The following RNF141 variants were observed in gnomAD, a reference collection of about 807,000 sequenced individuals.
RNF141 encodes the protein C3HC4-like zinc finger protein.
Under a neutral mutation model 27.4 loss-of-function variants are expected in RNF141, and 18 were observed. The observed-to-expected ratio is 0.66, with a 90% confidence interval of 0.45 to 0.97. The LOEUF is 0.97. Ranked by LOEUF, RNF141 falls within the 50% of genes least tolerant of loss-of-function variation. The pLI is 0.00. For missense variants in RNF141, 230 were observed against 279.4 expected, an observed-to-expected ratio of 0.82 and a Z score of 1.26; for synonymous variants, 97 against 96.6, an observed-to-expected ratio of 1.00 and a Z score of -0.02.
intron 2 of RNF141, among the ~76,000 whole-genome samples, chr11:10,532,568 T>C (rs1356534017): frequency 6.6e-6 from 1 of 151,920 alleles, no homozygotes; most frequent in Non-Finnish European, 1.5e-5. Context: ...TTTTGTTTTA[T>C]ATTGTTTTGT....
chr11:10,519,065 G>A lies in RNF141; in HGVS notation c.511C>T (p.His171Tyr), dbSNP rs1849865266. 1.2e-6 allele frequency: 2 copies of A among 1,613,952 alleles called. No homozygotes were observed. The highest frequency in any genetic ancestry group is 1.7e-6 in the Non-Finnish European group (2 of 1,179,890). ...TCAATACACTTCTGACAAAAGCTGT[G>A]AGCACAAGGCAGGATGAGGTCAGCC... ...GRADLILPCA[H>Y]SFCQKCIDKW... Residue 171 changes from histidine (H) to tyrosine (Y), a missense_variant, in exon 5 of 6, where the codon CAC becomes TAC. His to Tyr is a moderately conservative substitution (Grantham distance 83). Coordinates refer to ENST00000265981, the MANE Select transcript of RNF141 (RefSeq NM_016422.4).
At chr11:10,522,250 T>C (rs1327413973) in intron 4 of RNF141, among the ~76,000 whole-genome samples, 1 of 152,146 alleles carries the variant, frequency 6.6e-6, no homozygotes, top group East Asian at 1.9e-4. Flanking sequence ...TATAACTGAA[T>C]CTGTACAGAG....
At chr11:10,516,781 C>A (rs11042868) in intron 5 of RNF141, 37,882 of 152,044 alleles carry the variant, frequency 0.25, 5,510 homozygotes, top group Middle Eastern at 0.36. Flanking sequence ...AAGGGTCTTG[C>A]TATTAGTGGG....
chr11:10,514,828 T>A lies in RNF141; in HGVS notation c.*88A>T. On this transcript the variant is annotated 3_prime_UTR_variant, in exon 6 of 6. Coordinates refer to ENST00000265981, the MANE Select transcript of RNF141 (RefSeq NM_016422.4). ...AGAGTGGGGAAAATGGATTTTCCTGTGTCTGTGCCAGTGCCACAACCCTAC... is the reference window on the plus strand; with the variant it reads ...AGAGTGGGGAAAATGGATTTTCCTGAGTCTGTGCCAGTGCCACAACCCTAC... The A allele has an allele frequency of 2.4e-6, 3 of 1,232,522 alleles. No homozygotes were observed. Among genetic ancestry groups the A allele is most frequent in the South Asian group, 3.7e-5 (2 of 53,820 alleles). 76.3% of individuals were successfully genotyped at this position (1,232,522 alleles called of 1,614,324 possible).
At position 10,513,063 on chromosome 11, in the gene RNF141, CA is replaced by C. The variant is rs1235002153; in HGVS notation, c.*1852del. 6.6e-5 allele frequency: 10 copies of C among 152,168 alleles called. No individual in the cohort carries two copies. The highest frequency in any genetic ancestry group is 2.2e-4 in the African/African-American group (9 of 41,452). 9.4% of individuals were successfully genotyped at this position (152,168 alleles called of 1,614,324 possible). On this transcript the variant is annotated 3_prime_UTR_variant, in exon 6 of 6. Coordinates refer to ENST00000265981, the MANE Select transcript of RNF141 (RefSeq NM_016422.4). ...AGTTTCTAAAGTAAGAACACATAAA[CA>C]AGAGTAAGAGACTTTCTCAAGGTCA...
intron 1 of RNF141, among the ~76,000 whole-genome samples, chr11:10,537,084 A>G (rs1850044115): frequency 6.6e-6 from 1 of 152,254 alleles, no homozygotes; most frequent in Non-Finnish European, 1.5e-5. Context: ...AACAAGATTC[A>G]TTTACAGAGA....
chr11:10,522,772 T>G (rs565691866), intron 4 of RNF141, among the ~76,000 whole-genome samples: 1 of 152,186 alleles, frequency 6.6e-6, no homozygotes, highest in Non-Finnish European at 1.5e-5. Context: ...ATAGACAAAT[T>G]ATTATGTGTC....
At chr11:10,527,638 G>A (rs923204549) in intron 3 of RNF141, among the ~76,000 whole-genome samples, 8 of 89,936 alleles carry the variant, frequency 8.9e-5, no homozygotes, top group African/African-American at 1.3e-4. Flanking sequence ...AAGTGCATGA[G>A]AAGTCACGGG....
At chr11:10,527,029 T>C (rs889847730) in intron 3 of RNF141, among the ~76,000 whole-genome samples, 5 of 152,228 alleles carry the variant, frequency 3.3e-5, no homozygotes, top group African/African-American at 9.6e-5. Flanking sequence ...TGGAACTGCA[T>C]AGTACAGAAG....
chr11:10,533,518 A>G (rs1850007246), intron 2 of RNF141, among the ~76,000 whole-genome samples: 1 of 150,652 alleles, frequency 6.6e-6, no homozygotes, highest in Admixed American at 6.6e-5. Flanking sequence ...TCCTCTAGCA[A>G]AATGATGACA....
intron 1 of RNF141, among the ~76,000 whole-genome samples, chr11:10,539,887 G>C (rs1014080168): frequency 1.3e-5 from 2 of 151,282 alleles, no homozygotes; most frequent in Admixed American, 6.6e-5. Flanking sequence ...TTTGTATTTA[G>C]ATGGGAACCA....
In RNF141 at chr11:10,534,100, A is replaced by G. The variant is rs922687534; in HGVS notation, c.59T>C (p.Val20Ala). ...TCGAACCAACGTAACATGTTTTGCT[A>G]CTTTTTCTGGTAACTTGTTAATAAC... ...QLVINKLPEK[V>A]AKHVTLVRES... Residue 20 changes from valine (V) to alanine (A), a missense_variant, in exon 2 of 6, where the codon GTA (valine) becomes GCA (alanine). By Grantham distance (64) the Val-to-Ala change is moderately conservative. Coordinates refer to ENST00000265981, the MANE Select transcript of RNF141 (RefSeq NM_016422.4). The G allele has an allele frequency of 2.5e-6, 4 of 1,613,724 alleles. No individual in the cohort carries two copies. The Admixed American group carries it at 6.7e-5, about 27-fold the overall frequency.
At chr11:10,523,067 T>C (rs937164564) in intron 4 of RNF141, among the ~76,000 whole-genome samples, 1 of 152,238 alleles carries the variant, frequency 6.6e-6, no homozygotes, top group African/African-American at 2.4e-5. Flanking sequence ...GCTTGCTTTT[T>C]TCAGGCAGTG....
chr11:10,517,283 G>A (rs1054300350), intron 5 of RNF141: 2 of 151,986 alleles, frequency 1.3e-5, no homozygotes, highest in African/African-American at 4.8e-5. Flanking sequence ...GAAGAAAAAT[G>A]GTGAATATGA....
chr11:10,522,645 T>C (rs1047021741), intron 4 of RNF141, among the ~76,000 whole-genome samples: 1 of 152,226 alleles, frequency 6.6e-6, no homozygotes, highest in African/African-American at 2.4e-5. Flanking sequence ...GATGACTGTT[T>C]TCAAATATTT....
chr11:10,518,986 C>T (rs1335915013), intron 5 of RNF141, 48 bp downstream of exon 5: 10 of 1,409,038 alleles, frequency 7.1e-6, no homozygotes, highest in Non-Finnish European at 1.0e-5. Context: ...TTCATGTACA[C>T]TATCCCACTG....
At chr11:10,523,395 G>C (rs1454894181) in intron 4 of RNF141, among the ~76,000 whole-genome samples, 1 of 152,218 alleles carries the variant, frequency 6.6e-6, no homozygotes, top group Non-Finnish European at 1.5e-5. Context: ...TTCTTTGGCT[G>C]AAATGGGCCG....
chr11:10,529,432 A>G (rs1339057829), intron 3 of RNF141, among the ~76,000 whole-genome samples: 1 of 152,264 alleles, frequency 6.6e-6, no homozygotes, highest in Non-Finnish European at 1.5e-5. Flanking sequence ...AAAACACAAT[A>G]AGCAGAAGCA....
intron 1 of RNF141, among the ~76,000 whole-genome samples, chr11:10,539,699 T>TAGA (rs56298076): frequency 1.4e-5 from 1 of 73,720 alleles, no homozygotes; most frequent in Non-Finnish European, 2.8e-5. Context: ...TACATATATA[T>TAGA]TAGAGAGAGA....
Sources: gnomAD v4.1 joint callset for allele counts (sites outside exome capture counted in the v4.1 genomes callset) on GRCh38, gnomAD v4.1.1 for gene constraint, MANE v1.5 for transcripts, NCBI Gene and HGNC (gene_info 2026-07-23, HGNC 2026-07-21) for gene names.